NTM: variants seen among roughly 807,000 people sequenced by gnomAD.
NTM encodes the protein neurotrimin, also known as IgLON family member 2.
A neutral mutation model predicts 42.1 loss-of-function variants in NTM; 13 were observed. The observed-to-expected ratio is 0.31, with a 90% CI of 0.20 to 0.49. The LOEUF is 0.49. Ranked by LOEUF, NTM falls within the 20% of genes least tolerant of loss-of-function variation. NTM has a pLI of 0.99. For synonymous variants in NTM, 187 were observed against 179.2 expected, an observed-to-expected ratio of 1.04 and a Z score of -0.35; for missense variants, 373 against 452.8, an observed-to-expected ratio of 0.82 and a Z score of 1.60.
intron 3 of NTM, among the ~76,000 whole-genome samples, chr11:132,177,994 G>T (rs1167120139): frequency 6.6e-6 from 1 of 151,836 alleles, no homozygotes; most frequent in Admixed American, 6.5e-5. Flanking sequence ...CATGACAAAA[G>T]AAATGGAAAA....
chr11:131,575,411 T>C (rs2057834013), intron 1 of NTM, among the ~76,000 whole-genome samples: 1 of 152,216 alleles, frequency 6.6e-6, no homozygotes, highest in Non-Finnish European at 1.5e-5. Flanking sequence ...GTATAAGAAC[T>C]ACATACCCTA....
At chr11:132,301,696 A>G (rs768612232) in intron 4 of NTM, among the ~76,000 whole-genome samples, 5 of 152,256 alleles carry the variant, frequency 3.3e-5, no homozygotes, top group Non-Finnish European at 7.3e-5. Flanking sequence ...TGGAGAGAGC[A>G]GAGGCTGCAG....
intron 1 of NTM, among the ~76,000 whole-genome samples, chr11:131,558,645 A>G (rs1379254008): frequency 2.6e-5 from 4 of 152,196 alleles, no homozygotes; most frequent in Non-Finnish European, 5.9e-5. Flanking sequence ...GGGGTTGGCA[A>G]TGTCCTAGTA....
intron 3 of NTM, among the ~76,000 whole-genome samples, chr11:132,179,675 ATT>A (rs2077281890): frequency 6.6e-6 from 1 of 152,178 alleles, no homozygotes; most frequent in African/African-American, 2.4e-5. Context: ...GACCCACTCT[ATT>A]ATAGTAATTC....
intron 1 of NTM, among the ~76,000 whole-genome samples, chr11:131,706,065 C>T (rs1032886584): frequency 3.3e-5 from 5 of 151,964 alleles, no homozygotes; most frequent in Admixed American, 1.3e-4. Context: ...AAAAGAAGAT[C>T]CAACTGCATG....
intron 4 of NTM, among the ~76,000 whole-genome samples, chr11:132,214,296 C>G (rs1199080544): frequency 6.6e-6 from 1 of 152,146 alleles, no homozygotes; most frequent in Non-Finnish European, 1.5e-5. Context: ...CTGGCGGATG[C>G]CAGCCCAGTC....
rs2052419358 is a variant in NTM, at chr11:131,537,309, C to T, written c.82+166421C>T. ...CCCTGATAAAGACCAGAGAGCTTGT[C>T]TGCCTGTCTCCCAAGCAGGGGCAGT... On this transcript the variant is annotated intron_variant, in intron 1 of 8. Coordinates refer to ENST00000683400, the MANE Select transcript of NTM (RefSeq NM_001352005.2). 5 of 152,244 alleles carry T rather than the reference C, an allele frequency of 3.3e-5. No individual in the cohort carries two copies. The South Asian group carries it at 1.0e-3, about 32-fold the overall frequency. The allele number at this position is 152,244 out of a possible 1,614,324, so 9.4% of individuals were successfully genotyped here.
chr11:131,545,426 G>A (rs941672672), intron 1 of NTM, among the ~76,000 whole-genome samples: 1 of 151,692 alleles, frequency 6.6e-6, no homozygotes, highest in African/African-American at 2.4e-5. Flanking sequence ...ATAAAGAATT[G>A]AAGGGCATTT....
chr11:131,890,675 T>C (rs780448967), intron 1 of NTM, among the ~76,000 whole-genome samples: 1 of 152,180 alleles, frequency 6.6e-6, no homozygotes, highest in African/African-American at 2.4e-5. Flanking sequence ...ATAGCACCAC[T>C]ACCCAGTTGC....
chr11:131,544,293 A>G (rs950408361), intron 1 of NTM, among the ~76,000 whole-genome samples: 1 of 152,256 alleles, frequency 6.6e-6, no homozygotes, highest in African/African-American at 2.4e-5. Flanking sequence ...CTACAGAAGC[A>G]TATAAGAAGA....
intron 2 of NTM, among the ~76,000 whole-genome samples, chr11:132,021,077 CT>C (rs1334181082): frequency 2.0e-5 from 3 of 151,992 alleles, no homozygotes; most frequent in Non-Finnish European, 4.4e-5. Context: ...CTTTTTTCCC[CT>C]CTTTTTCCAA....
chr11:131,400,329 G>A (rs1312888695), intron 1 of NTM, among the ~76,000 whole-genome samples: 2 of 152,132 alleles, frequency 1.3e-5, no homozygotes, highest in Non-Finnish European at 2.9e-5. Context: ...TTTATCCCTT[G>A]TGCTGAAGAC....
intron 2 of NTM, among the ~76,000 whole-genome samples, chr11:131,945,142 G>A (rs2060210227): frequency 6.6e-6 from 1 of 152,166 alleles, no homozygotes; most frequent in Non-Finnish European, 1.5e-5. Context: ...TCCTTATAGG[G>A]CGATTCACAA....
chr11:131,525,500 G>C (rs2050350234), intron 1 of NTM, among the ~76,000 whole-genome samples: 2 of 152,254 alleles, frequency 1.3e-5, no homozygotes, highest in African/African-American at 4.8e-5. Context: ...AGCACAGTCG[G>C]GGTGGGCCAG....
At chr11:131,486,829 A>G (rs2136271127) in intron 1 of NTM, among the ~76,000 whole-genome samples, 1 of 152,254 alleles carries the variant, frequency 6.6e-6, no homozygotes, top group South Asian at 2.1e-4. Context: ...AATTGCTCTC[A>G]AAGATTCTTT....
intron 1 of NTM, chr11:131,795,597 CCA>C (rs2136185676): frequency 1.0e-6 from 1 of 985,406 alleles, no homozygotes; most frequent in African/African-American, 1.7e-5. Flanking sequence ...AACCCTGGTC[CCA>C]CAGAGTCATG....
At chr11:131,873,523 T>A (rs2048018222) in intron 1 of NTM, among the ~76,000 whole-genome samples, 1 of 61,784 alleles carries the variant, frequency 1.6e-5, no homozygotes, top group African/African-American at 4.3e-5. Context: ...GAACTTAAAG[T>A]GTGTGTGTGT....
chr11:131,913,561 T>C (rs373258869), intron 2 of NTM, among the ~76,000 whole-genome samples: 1 of 152,306 alleles, frequency 6.6e-6, no homozygotes, highest in African/African-American at 2.4e-5. Context: ...CGCGTTATCA[T>C]GTACTGGCTG....
intron 2 of NTM, among the ~76,000 whole-genome samples, chr11:132,081,093 G>C (rs1018778822): frequency 6.6e-6 from 1 of 152,226 alleles, no homozygotes; most frequent in African/African-American, 2.4e-5. Context: ...TGTAAATGCT[G>C]TAGTCCCTCA....
Sources: allele counts gnomAD v4.1 joint callset (sites outside exome capture counted in the v4.1 genomes callset), GRCh38; gene constraint gnomAD v4.1.1; transcripts MANE v1.5; gene names NCBI Gene and HGNC (gene_info 2026-07-23, HGNC 2026-07-21).